Variants in RNF121 observed in about 807,000 individuals in gnomAD.
The protein encoded by RNF121 is ring finger protein 121.
A neutral mutation model predicts 46.5 loss-of-function variants in RNF121; 21 were observed. That is an observed-to-expected ratio of 0.45 (90% CI 0.32 to 0.65). The LOEUF is 0.65. Ranked by LOEUF, RNF121 falls within the 30% of genes least tolerant of loss-of-function variation. The pLI is 0.04. For missense variants in RNF121, 346 were observed against 416.0 expected, an observed-to-expected ratio of 0.83 and a Z score of 1.46; for synonymous variants, 139 against 144.7, an observed-to-expected ratio of 0.96 and a Z score of 0.28.
At chr11:71,969,166 C>T (rs1954364188) in intron 3 of RNF121, among the ~76,000 whole-genome samples, 1 of 152,050 alleles carries the variant, frequency 6.6e-6, no homozygotes, top group Non-Finnish European at 1.5e-5. Flanking sequence ...GGATTACAGA[C>T]GTGAGCCACC....
chr11:71,978,784 A>G (rs1954587942), intron 3 of RNF121, among the ~76,000 whole-genome samples: 1 of 152,228 alleles, frequency 6.6e-6, no homozygotes, highest in East Asian at 1.9e-4. Flanking sequence ...CCTTCTGAGA[A>G]TAGATACTGT....
intron 3 of RNF121, among the ~76,000 whole-genome samples, chr11:71,975,024 C>T (rs1954500470): frequency 1.3e-5 from 2 of 152,168 alleles, no homozygotes; most frequent in African/African-American, 4.8e-5. Context: ...TGAAGTTCTC[C>T]AGGGAGAAGC....
intron 1 of RNF121, among the ~76,000 whole-genome samples, chr11:71,946,867 C>CTTTTTTTT (rs34778760): frequency 1.3e-4 from 13 of 98,406 alleles, no homozygotes; most frequent in East Asian, 9.7e-4. Flanking sequence ...TGCTCTGGCT[C>CTTTTTTTT]TTTTTTTTTT....
chr11:71,974,211 G>T (rs1245612928), intron 3 of RNF121, among the ~76,000 whole-genome samples: 3 of 152,200 alleles, frequency 2.0e-5, no homozygotes, highest in African/African-American at 7.2e-5. Context: ...AAAGTGCTGG[G>T]ATTACAGGCG....
At chr11:71,935,519 G>A (rs568199441) in intron 1 of RNF121, among the ~76,000 whole-genome samples, 6 of 152,278 alleles carry the variant, frequency 3.9e-5, no homozygotes, top group Non-Finnish European at 5.9e-5. Flanking sequence ...GATTTAACTG[G>A]AGTCATGGTA....
chr11:71,955,240 G>GT lies in RNF121; in HGVS notation c.64-1985dup, dbSNP rs1475984174. 3.3e-5 allele frequency among the ~76,000 whole-genome samples: 5 copies of GT among 152,292 alleles called. No individual in the cohort carries two copies. The East Asian group carries it at 9.6e-4, about 29-fold the overall frequency. On this transcript the variant is annotated intron_variant, in intron 1 of 8. Transcript: ENST00000361756. Reference sequence around the variant, plus strand: ...CCTATCCTGGTGCTAGAGACAAGCTGTTAGACCACTTAGAAAGGATGTCTA... The same window carrying GT: ...CCTATCCTGGTGCTAGAGACAAGCTGTTTAGACCACTTAGAAAGGATGTCTA...
intron 2 of RNF121, 66 bp from the exon 3 acceptor site, chr11:71,960,684 G>A: frequency 1.3e-6 from 2 of 1,559,266 alleles, no homozygotes; most frequent in Non-Finnish European, 1.7e-6. Context: ...GATATCCCTG[G>A]AAAGCACTGT....
chr11:71,942,849 T>G (rs909745253), intron 1 of RNF121, among the ~76,000 whole-genome samples: 25 of 150,418 alleles, frequency 1.7e-4, no homozygotes, highest in Non-Finnish European at 3.3e-4. Flanking sequence ...TTTCTCACAG[T>G]TCTGGAGGCT....
At position 71,967,352 on chromosome 11, in the gene RNF121, T is replaced by TTG. The variant is rs1954304518; in HGVS notation, c.243+6462_243+6463insGT. Among the ~76,000 whole-genome samples, 3 of 134,150 alleles carry TTG rather than the reference T, an allele frequency of 2.2e-5. No homozygotes were observed. The South Asian group carries it at 7.6e-4, about 34-fold the overall frequency. 88.0% of individuals were successfully genotyped at this position (134,150 alleles called of 152,430 possible). A position where few individuals can be genotyped will look rare whatever the true frequency, so the allele number is the denominator to read the frequency against. Reference sequence around the variant, plus strand: ...AATAATTATGTGGGTTTTTTTTGTTTTTTTTTTTTTTTTTTGAGACGGAGT... The same window carrying TTG: ...AATAATTATGTGGGTTTTTTTTGTTTTGTTTTTTTTTTTTTTTGAGACGGAGT... On this transcript the variant is annotated intron_variant, in intron 3 of 8. Coordinates refer to ENST00000361756, the MANE Select transcript of RNF121 (RefSeq NM_018320.5).
intron 1 of RNF121, among the ~76,000 whole-genome samples, chr11:71,930,047 A>G (rs6592447): frequency 6.6e-6 from 1 of 152,188 alleles, no homozygotes; most frequent in Non-Finnish European, 1.5e-5. Context: ...GTGTATTAAA[A>G]TACCAGTGGT....
chr11:71,944,627 C>T (rs1052876184), intron 1 of RNF121, among the ~76,000 whole-genome samples: 20 of 152,152 alleles, frequency 1.3e-4, no homozygotes, highest in African/African-American at 4.6e-4. Context: ...GCTCACTGTC[C>T]GTGCTCCTGT....
chr11:71,973,818 C>A (rs1378976225), intron 3 of RNF121, among the ~76,000 whole-genome samples: 3 of 151,570 alleles, frequency 2.0e-5, no homozygotes, highest in Non-Finnish European at 2.9e-5. Flanking sequence ...AAAAAAACCC[C>A]AAAAAACAAA....
intron 3 of RNF121, among the ~76,000 whole-genome samples, chr11:71,974,451 T>G (rs1023825583): frequency 1.5e-4 from 23 of 152,228 alleles, no homozygotes; most frequent in Non-Finnish European, 3.1e-4. Flanking sequence ...TTATTCTCTC[T>G]TGGAACCTCC....
intron 1 of RNF121, chr11:71,938,550 C>T (rs1449705014): frequency 1.3e-5 from 2 of 152,200 alleles, no homozygotes; most frequent in Non-Finnish European, 2.9e-5. Flanking sequence ...AACTCCCGAT[C>T]TCAGGTGATC....
At chr11:71,954,946 C>T (rs895141538) in intron 1 of RNF121, among the ~76,000 whole-genome samples, 3 of 152,120 alleles carry the variant, frequency 2.0e-5, no homozygotes, top group Non-Finnish European at 4.4e-5. Flanking sequence ...TCCACAAGTA[C>T]TCATTGAGTG....
chr11:71,947,453 C>T (rs918114696), intron 1 of RNF121, among the ~76,000 whole-genome samples: 8 of 148,578 alleles, frequency 5.4e-5, no homozygotes, highest in South Asian at 4.3e-4. Context: ...CAAGCCACTG[C>T]GCTACAACCT....
At chr11:71,940,793 A>G (rs1226735019) in intron 1 of RNF121, among the ~76,000 whole-genome samples, 1 of 152,228 alleles carries the variant, frequency 6.6e-6, no homozygotes, top group African/African-American at 2.4e-5. Flanking sequence ...TGATGACACA[A>G]AGGAGGGAGT....
intron 1 of RNF121, among the ~76,000 whole-genome samples, chr11:71,935,497 C>T (rs1216577192): frequency 6.6e-6 from 1 of 152,190 alleles, no homozygotes; most frequent in Admixed American, 6.5e-5. Flanking sequence ...TTGGGTCTTC[C>T]TTTCCGGAGG....
At chr11:71,930,853 A>G (rs910817632) in intron 1 of RNF121, among the ~76,000 whole-genome samples, 2 of 152,048 alleles carry the variant, frequency 1.3e-5, no homozygotes, top group Non-Finnish European at 2.9e-5. Flanking sequence ...TTTATTTGAG[A>G]TGGAGTTTCG....
Sources: gnomAD v4.1 joint callset for allele counts (sites outside exome capture counted in the v4.1 genomes callset) on GRCh38, gnomAD v4.1.1 for gene constraint, MANE v1.5 for transcripts, NCBI Gene and HGNC (gene_info 2026-07-23, HGNC 2026-07-21) for gene names.